Variants in MAPK10 observed in about 807,000 individuals in gnomAD.
The protein encoded by MAPK10 is mitogen-activated protein kinase 10.
In MAPK10, 25 loss-of-function variants were observed where a neutral mutation model predicts 59.3. That is an observed-to-expected ratio of 0.42 (90% confidence interval 0.31 to 0.59). The LOEUF (loss-of-function observed/expected upper bound fraction) is 0.59, where lower values mean the gene tolerates loss of function less well. Among genes scored for constraint, MAPK10 ranks in the 20% least tolerant of loss-of-function variants. The probability of loss-of-function intolerance (pLI) is 0.15; values close to 1 mark genes in which losing one functional copy is unlikely to be tolerated. For synonymous variants in MAPK10, 190 were observed against 200.5 expected (o/e 0.95, Z 0.44); for missense variants, 351 against 568.9 (o/e 0.62, Z 3.90).
intron 2 of MAPK10, among the ~76,000 whole-genome samples, chr4:86,254,990 A>T (rs761923495): frequency 6.6e-6 from 1 of 152,208 alleles, no homozygotes; most frequent in Non-Finnish European, 1.5e-5. Flanking sequence ...CATAAAAGTG[A>T]CATCACCAAG....
chr4:86,351,459 C>T (rs1275421959), intron 2 of MAPK10, among the ~76,000 whole-genome samples: 10 of 151,074 alleles, frequency 6.6e-5, no homozygotes, highest in South Asian at 2.1e-4. Context: ...TCTACCTAGC[C>T]GACAGGTATT....
At chr4:86,055,326 G>A (rs1162654248) in intron 11 of MAPK10, among the ~76,000 whole-genome samples, 1 of 136,556 alleles carries the variant, frequency 7.3e-6, no homozygotes, top group Non-Finnish European at 1.6e-5. Flanking sequence ...AAATATTTAG[G>A]GGAACTTAGA....
At chr4:86,194,117 C>T in intron 3 of MAPK10, 1 of 519,846 alleles carries the variant, frequency 1.9e-6, no homozygotes. Flanking sequence ...CCAGGTACCT[C>T]ACGTGGAAAT....
At chr4:86,416,830 A>G (rs977561107) in intron 1 of MAPK10, among the ~76,000 whole-genome samples, 5 of 152,200 alleles carry the variant, frequency 3.3e-5, no homozygotes, top group Admixed American at 6.5e-5. Context: ...CCAGCCCTGG[A>G]ACCAAAAGGA....
At chr4:86,507,826 G>C (rs1755916309) in intron 1 of MAPK10, among the ~76,000 whole-genome samples, 1 of 150,000 alleles carries the variant, frequency 6.7e-6, no homozygotes, top group Non-Finnish European at 1.5e-5. Context: ...CATGAAGAGA[G>C]GGTTCTCATG....
At chr4:86,321,888 G>A (rs975333076) in intron 2 of MAPK10, 5 of 150,808 alleles carry the variant, frequency 3.3e-5, no homozygotes, top group Non-Finnish European at 7.4e-5. Flanking sequence ...ACAGAGACAG[G>A]ATATCAGTAT....
chr4:86,216,812 CAAAT>C (rs1223954913), intron 2 of MAPK10, among the ~76,000 whole-genome samples: 1 of 151,658 alleles, frequency 6.6e-6, no homozygotes, highest in Non-Finnish European at 1.5e-5. Context: ...TCTTTTAAAA[CAAAT>C]ATAGTTACAA....
At chr4:86,363,478 C>T (rs1352304015), upstream of MAPK10, among the ~76,000 whole-genome samples, 1 of 152,002 alleles carries the variant, frequency 6.6e-6, no homozygotes, top group East Asian at 1.9e-4. Flanking sequence ...GTGTTAGTTT[C>T]CTTTTTAAGC....
intron 2 of MAPK10, among the ~76,000 whole-genome samples, chr4:86,319,717 C>G (rs2095854072): frequency 6.6e-6 from 1 of 152,174 alleles, no homozygotes; most frequent in Non-Finnish European, 1.5e-5. Context: ...CAAGCCCATT[C>G]TGAAGTACTA....
At chr4:86,439,672 G>A (rs1322267965) in intron 1 of MAPK10, among the ~76,000 whole-genome samples, 1 of 152,188 alleles carries the variant, frequency 6.6e-6, no homozygotes, top group African/African-American at 2.4e-5. Context: ...CTGTCAGACG[G>A]TTTTTGAAAG....
chr4:86,341,428 A>G (rs879337832), intron 2 of MAPK10, among the ~76,000 whole-genome samples: 66 of 152,214 alleles, frequency 4.3e-4, no homozygotes, highest in Non-Finnish European at 7.8e-4. Flanking sequence ...AGATCTTGAG[A>G]AAAGAATAAA....
intron 1 of MAPK10, among the ~76,000 whole-genome samples, chr4:86,484,429 AGTTGTG>A (rs1753835866): frequency 6.6e-6 from 1 of 152,156 alleles, no homozygotes; most frequent in Admixed American, 6.5e-5. Context: ...CTCTCCTAGT[AGTTGTG>A]GTTGTGTGGT....
At chr4:86,434,244 GT>G (rs1748416109) in intron 1 of MAPK10, among the ~76,000 whole-genome samples, 1 of 152,118 alleles carries the variant, frequency 6.6e-6, no homozygotes, top group Non-Finnish European at 1.5e-5. Flanking sequence ...TGGGCAAAGA[GT>G]TTTTGTATAA....
At chr4:86,555,975 G>A (rs1242844880) in intron 1 of MAPK10, among the ~76,000 whole-genome samples, 1 of 152,182 alleles carries the variant, frequency 6.6e-6, no homozygotes, top group Non-Finnish European at 1.5e-5. Flanking sequence ...CCTCATGAAT[G>A]ACTTTTAGCT....
At chr4:86,469,792 C>A (rs1213392691) in intron 1 of MAPK10, among the ~76,000 whole-genome samples, 1 of 152,156 alleles carries the variant, frequency 6.6e-6, no homozygotes, top group Admixed American at 6.5e-5. Flanking sequence ...ATAGCTTATT[C>A]TTCTGTCTTT....
At chr4:86,260,507 T>C (rs2093944764) in intron 2 of MAPK10, among the ~76,000 whole-genome samples, 4 of 152,074 alleles carry the variant, frequency 2.6e-5, no homozygotes, top group Admixed American at 2.6e-4. Context: ...TAAGAACTGT[T>C]CTACGAGGAC....
At chr4:86,209,450 G>A (rs1050590813) in intron 2 of MAPK10, among the ~76,000 whole-genome samples, 2 of 151,992 alleles carry the variant, frequency 1.3e-5, no homozygotes, top group African/African-American at 4.8e-5. Flanking sequence ...TCTATTGAAG[G>A]CTCGCAATTT....
intron 1 of MAPK10, among the ~76,000 whole-genome samples, chr4:86,521,569 G>T (rs1757112777): frequency 6.6e-6 from 1 of 152,090 alleles, no homozygotes; most frequent in South Asian, 2.1e-4. Flanking sequence ...CAGGCCACCA[G>T]GGAGGTAGGG....
chr4:86,307,514 T>A (rs1428442526), intron 2 of MAPK10, among the ~76,000 whole-genome samples: 2 of 152,092 alleles, frequency 1.3e-5, no homozygotes, highest in Non-Finnish European at 2.9e-5. Context: ...GAGAATGTTG[T>A]AAGTTAGAGA....
Sources: gnomAD v4.1 joint callset for allele counts (sites outside exome capture counted in the v4.1 genomes callset) on GRCh38, gnomAD v4.1.1 for gene constraint, MANE v1.5 for transcripts, NCBI Gene and HGNC (gene_info 2026-07-23, HGNC 2026-07-21) for gene names.